Variants in LMO7 observed in about 807,000 individuals in gnomAD.
LMO7 encodes LIM domain 7, also known as LIM domain only protein 7.
Under a neutral mutation model 206.5 loss-of-function variants are expected in LMO7, and 120 were observed. The ratio of observed to expected loss-of-function variants is 0.58; its 90% CI spans 0.50 to 0.68. LMO7 has a LOEUF of 0.68. LMO7 is among the 30% of genes least tolerant of loss of function. The probability of loss-of-function intolerance (pLI) is 0.00; values close to 1 mark genes in which losing one functional copy is unlikely to be tolerated. For missense variants in LMO7, 1,959 were observed against 1,957.9 expected (o/e 1.00, Z -0.01); for synonymous variants, 706 against 681.5 (o/e 1.04, Z -0.56).
At chr13:75,786,276 T>C (rs1305529504) in intron 4 of LMO7, among the ~76,000 whole-genome samples, 1 of 152,186 alleles carries the variant, frequency 6.6e-6, no homozygotes, top group African/African-American at 2.4e-5. Context: ...TGGGTGTCCC[T>C]TCTGTTGGTC....
At chr13:75,711,110 T>A (rs2043074609) in intron 1 of LMO7, among the ~76,000 whole-genome samples, 1 of 152,260 alleles carries the variant, frequency 6.6e-6, no homozygotes, top group Non-Finnish European at 1.5e-5. Flanking sequence ...TTTATTGATT[T>A]GCATATGTTG....
chr13:75,657,178 A>C (rs1362213431), intron 1 of LMO7, among the ~76,000 whole-genome samples: 1 of 152,192 alleles, frequency 6.6e-6, no homozygotes, highest in African/African-American at 2.4e-5. Context: ...GTGGGAACAG[A>C]GAGGCAAGGA....
intron 4 of LMO7, among the ~76,000 whole-genome samples, chr13:75,774,109 T>C (rs1043903489): frequency 5.9e-5 from 9 of 152,278 alleles, no homozygotes; most frequent in Middle Eastern, 3.4e-3. Context: ...CATTTACCTA[T>C]AACAAAATTT....
At chr13:75,719,610 C>T (rs2043854492) in intron 2 of LMO7, among the ~76,000 whole-genome samples, 1 of 152,188 alleles carries the variant, frequency 6.6e-6, no homozygotes, top group Non-Finnish European at 1.5e-5. Flanking sequence ...CACTTGCTGT[C>T]TGTCCTTCTC....
chr13:75,807,448 A>T (rs1167862778), intron 9 of LMO7, 32 bp from the exon 10 acceptor site: 1 of 1,602,688 alleles, frequency 6.2e-7, no homozygotes. Flanking sequence ...GCTTAATAAG[A>T]TTCTCTTTCC....
Position 75,821,624 on chromosome 13 carries a change from C to G in LMO7, c.2640+15C>G, listed in dbSNP as rs748643312. 11 of 1,595,954 alleles carry G rather than the reference C, an allele frequency of 6.9e-6. No individual in the cohort carries two copies. Among genetic ancestry groups the G allele is most frequent in the Non-Finnish European group, 9.4e-6 (11 of 1,168,356 alleles). ...GATCTTACACGGTAAAAAATGTTCT[C>G]GGTTCATTTAGTCTGTTCTGAAGAG... On this transcript the variant is annotated intron_variant, in intron 14 of 30. Transcript: ENST00000377534.
chr13:75,716,894 C>CTTTTTT (rs35871564), intron 2 of LMO7, among the ~76,000 whole-genome samples: 1 of 138,728 alleles, frequency 7.2e-6, no homozygotes, highest in African/African-American at 2.7e-5. Flanking sequence ...TGAAAACACT[C>CTTTTTT]TTTTTTTTTT....
intron 26 of LMO7, among the ~76,000 whole-genome samples, chr13:75,846,807 C>T (rs2060029341): frequency 6.6e-6 from 1 of 152,080 alleles, no homozygotes; most frequent in Admixed American, 6.6e-5. Context: ...AGAGGCCAGG[C>T]ACGGTGGCTC....
intron 14 of LMO7, among the ~76,000 whole-genome samples, chr13:75,822,808 T>G (rs1004526406): frequency 3.7e-5 from 4 of 108,134 alleles, no homozygotes; most frequent in African/African-American, 6.8e-5. Context: ...TTTCTAAAAA[T>G]TATATATATA....
At chr13:75,717,895 G>A (rs1032579021) in intron 2 of LMO7, among the ~76,000 whole-genome samples, 1 of 152,216 alleles carries the variant, frequency 6.6e-6, no homozygotes, top group Non-Finnish European at 1.5e-5. Context: ...CAGTGCTCCA[G>A]CATGCCAACA....
intron 3 of LMO7, among the ~76,000 whole-genome samples, chr13:75,731,339 A>G (rs1330869396): frequency 5.9e-5 from 9 of 152,112 alleles, no homozygotes; most frequent in Non-Finnish European, 1.2e-4. Context: ...TATATTTAGG[A>G]TAGTTAGCTC....
intron 4 of LMO7, among the ~76,000 whole-genome samples, chr13:75,764,202 C>A (rs777267666): frequency 5.9e-5 from 9 of 152,006 alleles, no homozygotes; most frequent in Non-Finnish European, 1.0e-4. Context: ...TGCTAATAAG[C>A]AAATTTATGA....
intron 3 of LMO7, among the ~76,000 whole-genome samples, chr13:75,728,755 T>C (rs1314118674): frequency 2.2e-5 from 3 of 135,600 alleles, no homozygotes; most frequent in African/African-American, 9.3e-5. Flanking sequence ...TTTTATGGTT[T>C]TAGGTCTAAC....
intron 4 of LMO7, among the ~76,000 whole-genome samples, chr13:75,781,096 C>CTTTTTTTTTTTTTTTTTTTTTTTTT (rs367937964): frequency 7.6e-4 from 32 of 41,918 alleles, no homozygotes; most frequent in African/African-American, 1.5e-3. Flanking sequence ...CTCTATTTTC[C>CTTTTTTTTTTTTTTTTTTTTTTTTT]TTTTTTTTTT....
At chr13:75,837,500 C>G (rs1214743663) in intron 19 of LMO7, among the ~76,000 whole-genome samples, 2 of 151,990 alleles carry the variant, frequency 1.3e-5, no homozygotes, top group African/African-American at 4.8e-5. Context: ...ATCATAGGTA[C>G]ATTTTATGCC....
chr13:75,800,626 G>A, intron 6 of LMO7, 58 bp from the exon 7 acceptor site: 1 of 1,482,200 alleles, frequency 6.7e-7, no homozygotes. Flanking sequence ...ATAACCGATT[G>A]ATTATATTTT....
At chr13:75,625,936 A>G (rs2033997839) in intron 2 of LMO7, among the ~76,000 whole-genome samples, 1 of 152,210 alleles carries the variant, frequency 6.6e-6, no homozygotes, top group Non-Finnish European at 1.5e-5. Flanking sequence ...ACACACGAAG[A>G]TTTCAAGGCC....
intron 2 of LMO7, among the ~76,000 whole-genome samples, chr13:75,625,326 G>A (rs1021529854): frequency 2.6e-5 from 4 of 152,052 alleles, no homozygotes; most frequent in East Asian, 1.9e-4. Context: ...ACCTATCTCC[G>A]CAGAAGTCAA....
intron 4 of LMO7, among the ~76,000 whole-genome samples, chr13:75,779,217 A>G (rs1030734728): frequency 6.6e-6 from 1 of 152,114 alleles, no homozygotes; most frequent in African/African-American, 2.4e-5. Flanking sequence ...TTAAGAACTT[A>G]TCAAACTTTA....
Sources: allele counts gnomAD v4.1 joint callset (sites outside exome capture counted in the v4.1 genomes callset), GRCh38; gene constraint gnomAD v4.1.1; transcripts MANE v1.5; gene names NCBI Gene and HGNC (gene_info 2026-07-23, HGNC 2026-07-21).